The following LHX8 variants were observed in gnomAD, a reference collection of about 807,000 sequenced individuals.
The protein encoded by LHX8 is LIM homeobox 8.
A neutral mutation model predicts 40.3 loss-of-function variants in LHX8; 12 were observed. That is an observed-to-expected ratio of 0.30 (90% CI 0.19 to 0.48). The LOEUF is 0.48. Ranked by LOEUF, LHX8 falls within the 20% of genes least tolerant of loss-of-function variation. The pLI, the probability that LHX8 is intolerant of heterozygous loss-of-function variation, is 0.99. For missense variants in LHX8, 344 were observed against 433.7 expected, an observed-to-expected ratio of 0.79 and a Z score of 1.84; for synonymous variants, 179 against 162.0, an observed-to-expected ratio of 1.10 and a Z score of -0.80.
the LHX8 span, among the ~76,000 whole-genome samples, chr1:75,189,754 A>T: frequency 6.6e-6 from 1 of 152,230 alleles, no homozygotes; most frequent in African/African-American, 2.4e-5. Context: ...CAGGAAAAAG[A>T]CATCCTTTCT....
chr1:75,141,017 C>G lies in LHX8; in HGVS notation c.270C>G (p.Leu90=). The G allele has an allele frequency of 6.2e-7, 1 of 1,613,612 alleles. No individual in the cohort carries two copies. Among genetic ancestry groups the G allele is most frequent in the Non-Finnish European group, 8.5e-7 (1 of 1,179,628 alleles). ...VNDLCWHVRC[L]SCSVCRTSLG... is the part of the protein sequence containing the mutation. ...ACCTATGCTGGCATGTCCGGTGTCT[C>G]TCCTGCAGTGTTTGCAGAACCTCCC... The change falls in exon 4 of 9, where the codon CTC becomes CTG. Residue 90 remains leucine, a synonymous_variant. Coordinates refer to ENST00000356261, the MANE Select transcript of LHX8 (RefSeq NM_001256114.2).
chr1:75,188,932 T>C, the LHX8 span, among the ~76,000 whole-genome samples: 1 of 152,232 alleles, frequency 6.6e-6, no homozygotes, highest in Admixed American at 6.5e-5. Flanking sequence ...AACTGTCTTC[T>C]GAACCTTTCC....
At chr1:75,163,425 A>G (rs1417373796), downstream of LHX8, among the ~76,000 whole-genome samples, 3 of 152,182 alleles carry the variant, frequency 2.0e-5, no homozygotes, top group Non-Finnish European at 4.4e-5. Flanking sequence ...CTATTTTATT[A>G]TTTAGAACAG....
intron 4 of LHX8, among the ~76,000 whole-genome samples, chr1:75,142,384 TC>T (rs1240149723): frequency 6.6e-6 from 1 of 152,174 alleles, no homozygotes; most frequent in Non-Finnish European, 1.5e-5. Context: ...AACAAAGAGT[TC>T]CAGTCACTCA....
the LHX8 span, among the ~76,000 whole-genome samples, chr1:75,178,740 C>T: frequency 1.3e-5 from 2 of 151,998 alleles, no homozygotes; most frequent in African/African-American, 2.4e-5. Context: ...GCTCTTGCTT[C>T]TCTAGTTCTT....
intron 4 of LHX8, among the ~76,000 whole-genome samples, chr1:75,141,681 G>T (rs1165264214): frequency 6.6e-6 from 1 of 152,028 alleles, no homozygotes; most frequent in Non-Finnish European, 1.5e-5. Flanking sequence ...AATTAGATGA[G>T]ATATCACATT....
the LHX8 span, among the ~76,000 whole-genome samples, chr1:75,185,893 C>T: frequency 1.3e-5 from 2 of 152,112 alleles, no homozygotes; most frequent in African/African-American, 2.4e-5. Flanking sequence ...CATTCCTATA[C>T]ACCAATAATA....
chr1:75,135,324 C>T (rs1648089285), intron 1 of LHX8, among the ~76,000 whole-genome samples: 1 of 152,266 alleles, frequency 6.6e-6, no homozygotes, highest in Non-Finnish European at 1.5e-5. Flanking sequence ...CTGAGGGCCT[C>T]AGCAGGACGC....
Position 75,157,364 on chromosome 1 carries a change from T to C in LHX8, c.964+288T>C, listed in dbSNP as rs557416654. Among the ~76,000 whole-genome samples, 6 of 152,340 alleles carry C rather than the reference T, an allele frequency of 3.9e-5. No individual in the cohort carries two copies. In the South Asian group the frequency reaches 1.2e-3, roughly 32 times the overall value. On this transcript the variant is annotated intron_variant, in intron 8 of 8. Transcript: ENST00000356261. ...TTTTGTTTGTTTTTACCGGTAAATA[T>C]TTAAATACTTTATTTCCTGTGATCA...
At chr1:75,146,122 G>A (rs895667294) in intron 6 of LHX8, among the ~76,000 whole-genome samples, 2 of 151,990 alleles carry the variant, frequency 1.3e-5, no homozygotes, top group African/African-American at 2.4e-5. Context: ...CTAATAAATC[G>A]GTATCCTTAT....
intron 1 of LHX8, among the ~76,000 whole-genome samples, chr1:75,135,727 C>T (rs984825788): frequency 5.3e-5 from 8 of 152,326 alleles, no homozygotes; most frequent in South Asian, 4.1e-4. Context: ...TTGAGTAACG[C>T]GCGTTGTTTC....
At chr1:75,132,923 T>G (rs1273352144), upstream of LHX8, 1 of 151,898 alleles carries the variant, frequency 6.6e-6, no homozygotes, top group African/African-American at 2.4e-5. Context: ...TCCACAACGA[T>G]GCTATTTCAT....
chr1:75,141,223 AAG>A lies in LHX8; in HGVS notation c.359+121_359+122del, dbSNP rs1397794892. ...TAATGAAGCCCAGTTTTTCTTATTT[AAG>A]AGATTTCAAAATGAGGGTGCTTTCC... On this transcript the variant is annotated intron_variant, in intron 4 of 8. Coordinates refer to ENST00000356261, the MANE Select transcript of LHX8 (RefSeq NM_001256114.2). 2.7e-6 allele frequency: 3 copies of A among 1,095,244 alleles called. No homozygotes were observed. In the African/African-American group the frequency reaches 4.7e-5, roughly 17 times the overall value. The allele number at this position is 1,095,244 out of a possible 1,614,324, so 67.8% of individuals were successfully genotyped here. A position where few individuals can be genotyped will look rare whatever the true frequency, so the allele number is the denominator to read the frequency against.
intron 8 of LHX8, among the ~76,000 whole-genome samples, chr1:75,158,169 T>C (rs868062358): frequency 2.2e-4 from 33 of 152,382 alleles, no homozygotes; most frequent in Middle Eastern, 3.4e-3. Context: ...CATCAGGTAT[T>C]TGTATATTCT....
At chr1:75,141,999 T>TA (rs1405207674) in intron 4 of LHX8, among the ~76,000 whole-genome samples, 2 of 152,156 alleles carry the variant, frequency 1.3e-5, no homozygotes, top group East Asian at 3.8e-4. Flanking sequence ...GAGTCTTTTA[T>TA]AAAATCACAG....
At chr1:75,155,438 T>C (rs969155010) in intron 7 of LHX8, among the ~76,000 whole-genome samples, 1 of 151,862 alleles carries the variant, frequency 6.6e-6, no homozygotes, top group African/African-American at 2.4e-5. Flanking sequence ...GTTTCACTGT[T>C]TTAGCCAGGA....
chr1:75,154,391 G>GT (rs11354379), intron 7 of LHX8, among the ~76,000 whole-genome samples: 240 of 143,112 alleles, frequency 1.7e-3, no homozygotes, highest in Middle Eastern at 3.5e-3. Flanking sequence ...AAGTTTGAGT[G>GT]TTTTTTTTTT....
chr1:75,151,263 G>C (rs898964245), intron 7 of LHX8, among the ~76,000 whole-genome samples: 2 of 152,158 alleles, frequency 1.3e-5, no homozygotes, highest in Non-Finnish European at 2.9e-5. Flanking sequence ...TTGACTGCAA[G>C]GTAATGAGGC....
rs1648173292 is a variant in LHX8 at position 75,137,203 on chromosome 1, C to T, written c.179C>T (p.Pro60Leu). The T allele has an allele frequency of 6.2e-7, 1 of 1,613,588 alleles. No individual in the cohort carries two copies. Among genetic ancestry groups the T allele is most frequent in the South Asian group, 1.1e-5 (1 of 91,070 alleles). ...ATGGCCTCGGGCTCCGGCTGCCCTCCTGGCAAGTGTGTGTGCAACAGTTGC... is the reference window on the plus strand; with the variant it reads ...ATGGCCTCGGGCTCCGGCTGCCCTCTTGGCAAGTGTGTGTGCAACAGTTGC... ...RSMASGSGCP[P>L]GKCVCNSCGL... Residue 60 changes from proline to leucine, a missense_variant, in exon 3 of 9, where the codon CCT becomes CTT. Physicochemically the swap from Pro to Leu is moderately conservative, Grantham distance 98. This residue lies in a region of LHX8 where 108 missense variants were observed against 90.1 expected (regional missense o/e 1.20). Transcript: ENST00000356261.
Sources: allele counts gnomAD v4.1 joint callset (sites outside exome capture counted in the v4.1 genomes callset), GRCh38; gene constraint gnomAD v4.1.1; regional missense constraint gnomAD v4.1.1; transcripts MANE v1.5; gene names NCBI Gene and HGNC (gene_info 2026-07-23, HGNC 2026-07-21).